TMEM17: variants seen among roughly 807,000 people sequenced by gnomAD.
The protein encoded by TMEM17 is transmembrane protein 17.
In TMEM17, 15 loss-of-function variants were observed where a neutral mutation model predicts 19.1. The ratio of observed to expected loss-of-function variants is 0.78; its 90% CI spans 0.52 to 1.21. The LOEUF is 1.21. TMEM17 is among the 50% of genes most tolerant of loss of function. The probability of loss-of-function intolerance (pLI) is 0.00; values close to 1 mark genes in which losing one functional copy is unlikely to be tolerated. For missense variants in TMEM17, 245 were observed against 242.3 expected, an observed-to-expected ratio of 1.01 and a Z score of -0.07; for synonymous variants, 103 against 86.9, an observed-to-expected ratio of 1.19 and a Z score of -1.03.
chr2:62,461,213 C>G, the TMEM17 span, among the ~76,000 whole-genome samples: 1 of 152,214 alleles, frequency 6.6e-6, no homozygotes, highest in African/African-American at 2.4e-5. Context: ...GTCCTGAACT[C>G]TGCTCCCTGA....
intron 1 of TMEM17, 81 bp downstream of exon 1, chr2:62,505,949 A>C: frequency 7.6e-7 from 1 of 1,310,918 alleles, no homozygotes; most frequent in Non-Finnish European, 1.1e-6. Context: ...CATTTTAGGT[A>C]CGGGCAAATT....
At chr2:62,503,706 T>C (rs1233377059) in intron 1 of TMEM17, among the ~76,000 whole-genome samples, 2 of 152,228 alleles carry the variant, frequency 1.3e-5, no homozygotes, top group African/African-American at 4.8e-5. Context: ...TCTACTTATC[T>C]ACAGGCTCAT....
chr2:62,498,728 A>T (rs1016829431), downstream of TMEM17, among the ~76,000 whole-genome samples: 12 of 143,908 alleles, frequency 8.3e-5, no homozygotes, highest in Admixed American at 1.4e-4. Context: ...AAATAAAATA[A>T]AATAAAATAA....
chr2:62,457,856 C>CGGAATAGCCGTTCCACTATAGT, the TMEM17 span, among the ~76,000 whole-genome samples: 2 of 151,018 alleles, frequency 1.3e-5, no homozygotes, highest in Non-Finnish European at 2.9e-5. The surrounding 1 kb of genome is among the most constrained non-coding windows in gnomAD (Gnocchi z 4.2). Context: ...AACCCAGGAA[C>CGGAATAGCCGTTCCACTATAGT]GGCTATTCCA....
chr2:62,494,320 G>A, the TMEM17 span, among the ~76,000 whole-genome samples: 1 of 152,064 alleles, frequency 6.6e-6, no homozygotes, highest in African/African-American at 2.4e-5. Context: ...AGGGCTTATT[G>A]ACCACTGGGA....
the TMEM17 span, among the ~76,000 whole-genome samples, chr2:62,474,455 CTA>C: frequency 6.6e-6 from 1 of 152,208 alleles, no homozygotes; most frequent in Admixed American, 6.5e-5. Flanking sequence ...ACAAATAATA[CTA>C]TGTCTTTCTT....
At chr2:62,481,889 A>G in the TMEM17 span, among the ~76,000 whole-genome samples, 3 of 152,332 alleles carry the variant, frequency 2.0e-5, no homozygotes, top group South Asian at 4.1e-4. Flanking sequence ...ACCTACAAGC[A>G]TAAAGTGGAA....
chr2:62,483,420 T>C, the TMEM17 span, among the ~76,000 whole-genome samples: 12 of 152,178 alleles, frequency 7.9e-5, no homozygotes, highest in Non-Finnish European at 1.8e-4. Flanking sequence ...AGCAAAAACC[T>C]CTGGGATTCA....
the TMEM17 span, among the ~76,000 whole-genome samples, chr2:62,481,172 G>A: frequency 6.6e-6 from 1 of 151,916 alleles, no homozygotes; most frequent in Admixed American, 6.6e-5. Context: ...CCCAGGTTTT[G>A]TGTTTTTTTG....
chr2:62,484,667 G>A, the TMEM17 span, among the ~76,000 whole-genome samples: 1 of 152,010 alleles, frequency 6.6e-6, no homozygotes, highest in East Asian at 1.9e-4. Context: ...TTCAGTTTGT[G>A]GCCCACTAAG....
At chr2:62,504,016 T>C (rs1437175054) in intron 1 of TMEM17, among the ~76,000 whole-genome samples, 1 of 152,206 alleles carries the variant, frequency 6.6e-6, no homozygotes, top group Admixed American at 6.5e-5. Context: ...GACACATATA[T>C]TGAAATCAGT....
chr2:62,461,453 T>G, the TMEM17 span, among the ~76,000 whole-genome samples: 33,460 of 152,110 alleles, frequency 0.22, 3,729 homozygotes, highest in African/African-American at 0.26. Flanking sequence ...GCCTGGTCAG[T>G]GGAGGATGCC....
chr2:62,503,634 G>C (rs1404514936), intron 1 of TMEM17, among the ~76,000 whole-genome samples: 1 of 152,204 alleles, frequency 6.6e-6, no homozygotes, highest in East Asian at 1.9e-4. Context: ...TTTCATCCTA[G>C]CACTGTGCCT....
the TMEM17 span, among the ~76,000 whole-genome samples, chr2:62,477,475 C>T: frequency 1.3e-5 from 2 of 152,186 alleles, no homozygotes; most frequent in Non-Finnish European, 2.9e-5. Flanking sequence ...CTCCCACTGG[C>T]CCCTGTTTGA....
chr2:62,483,946 C>T, the TMEM17 span, among the ~76,000 whole-genome samples: 2 of 152,084 alleles, frequency 1.3e-5, no homozygotes, highest in Non-Finnish European at 2.9e-5. Context: ...AGCATCCAGT[C>T]ACCTCACAAG....
chr2:62,491,312 T>C, the TMEM17 span: 1 of 151,936 alleles, frequency 6.6e-6, no homozygotes, highest in Non-Finnish European at 1.5e-5. Context: ...GGCATCAATA[T>C]GTTGACCTTC....
the TMEM17 span, among the ~76,000 whole-genome samples, chr2:62,466,933 C>T: frequency 2.0e-5 from 3 of 152,084 alleles, no homozygotes; most frequent in South Asian, 4.1e-4. Flanking sequence ...ACTCCTTTTT[C>T]GAAACACTAA....
the TMEM17 span, among the ~76,000 whole-genome samples, chr2:62,491,801 G>C: frequency 6.6e-6 from 1 of 151,544 alleles, no homozygotes; most frequent in Non-Finnish European, 1.5e-5. Context: ...TCTACCAAAG[G>C]GTTTTCCCAT....
Position 62,502,776 on chromosome 2 carries a change from CTG to C in TMEM17, c.117_118del (p.Ser40PhefsTer10). 2.5e-6 allele frequency: 4 copies of C among 1,602,756 alleles called. No individual in the cohort carries two copies. The highest frequency in any genetic ancestry group is 3.4e-6 in the Non-Finnish European group (4 of 1,176,394). On this transcript the variant is annotated frameshift_variant, in exon 2 of 4. Coordinates refer to ENST00000335390, the MANE Select transcript of TMEM17 (RefSeq NM_198276.3). LOFTEE classifies it high-confidence loss of function. The stretch of plus-strand genomic sequence containing the variant: ...ATAAAGTGACATCTGCAGTGCCAAA[CTG>C]GAGACCATTTCATTTTCTACAGAAG...
Sources: gnomAD v4.1 joint callset for allele counts (sites outside exome capture counted in the v4.1 genomes callset) on GRCh38, gnomAD v4.1.1 for gene constraint, Gnocchi (gnomAD v3.1) non-coding constraint, MANE v1.5 for transcripts, NCBI Gene and HGNC (gene_info 2026-07-23, HGNC 2026-07-21) for gene names.